NRG3: variants seen among roughly 807,000 people sequenced by gnomAD.
NRG3 encodes the protein neuregulin 3.
NRG3 carries 31 observed loss-of-function variants against 66.9 expected under a neutral mutation model. That is an observed-to-expected ratio of 0.46 (90% CI 0.35 to 0.63). NRG3 has a LOEUF of 0.63. Among genes scored for constraint, NRG3 ranks in the 20% least tolerant of loss-of-function variants. NRG3 has a pLI of 0.00. For synonymous variants in NRG3, 393 were observed against 359.4 expected (o/e 1.09, Z -1.06); for missense variants, 910 against 878.9 (o/e 1.04, Z -0.45).
rs765058089 is a variant in NRG3, at chr10:82,898,715, C to CTTTTT, written c.1054+33298_1054+33302dup. On this transcript the variant is annotated intron_variant, in intron 4 of 8. Coordinates refer to ENST00000372141, the MANE Select transcript of NRG3 (RefSeq NM_001010848.4). ...CTGAATAGAAGGCCAGGAGTTTTAC[C>CTTTTT]TTTTTTTTTTTTTTTTTTTTTTTTG... Among the ~76,000 whole-genome samples, 137 of 89,382 alleles carry CTTTTT rather than the reference C, an allele frequency of 1.5e-3. 8 individuals are homozygous for CTTTTT. Among genetic ancestry groups the CTTTTT allele is most frequent in the African/African-American group, 5.7e-3 (123 of 21,670 alleles). 58.6% of individuals were successfully genotyped at this position (89,382 alleles called of 152,430 possible).
intron 1 of NRG3, among the ~76,000 whole-genome samples, chr10:82,353,966 C>T (rs1299828591): frequency 1.3e-5 from 2 of 150,028 alleles, no homozygotes; most frequent in African/African-American, 4.9e-5. Flanking sequence ...TCCTAACTTA[C>T]TTCGCTTCCC....
At chr10:82,574,485 C>T (rs1415854072) in intron 2 of NRG3, among the ~76,000 whole-genome samples, 1 of 151,612 alleles carries the variant, frequency 6.6e-6, no homozygotes, top group East Asian at 1.9e-4. Flanking sequence ...AAAGTGACTG[C>T]AGTTAACAAT....
At chr10:82,944,656 C>T (rs1232250784) in intron 4 of NRG3, among the ~76,000 whole-genome samples, 1 of 152,128 alleles carries the variant, frequency 6.6e-6, no homozygotes, top group Non-Finnish European at 1.5e-5. Flanking sequence ...ACATGATTGC[C>T]CCTCTCGACT....
intron 1 of NRG3, among the ~76,000 whole-genome samples, chr10:81,944,231 C>G (rs1279094260): frequency 6.6e-6 from 1 of 152,196 alleles, no homozygotes; most frequent in Non-Finnish European, 1.5e-5. Flanking sequence ...GAAGAGACAA[C>G]ATAGAGCTCA....
chr10:82,196,564 T>A (rs1362334650), intron 1 of NRG3, among the ~76,000 whole-genome samples: 1 of 151,810 alleles, frequency 6.6e-6, no homozygotes, highest in Non-Finnish European at 1.5e-5. Flanking sequence ...AAAGATTTAG[T>A]CAACTATGCT....
intron 3 of NRG3, among the ~76,000 whole-genome samples, chr10:82,815,111 G>A (rs367688425): frequency 4.6e-5 from 7 of 152,204 alleles, no homozygotes; most frequent in African/African-American, 1.2e-4. Flanking sequence ...CAAAACCCAT[G>A]TTAGTAAGAG....
chr10:82,725,007 C>T (rs2057517887), intron 2 of NRG3, among the ~76,000 whole-genome samples: 1 of 152,140 alleles, frequency 6.6e-6, no homozygotes, highest in South Asian at 2.1e-4. Context: ...ACAGAGCTTT[C>T]CAAAAAGGAC....
intron 1 of NRG3, among the ~76,000 whole-genome samples, chr10:82,143,970 C>T (rs1291536350): frequency 6.8e-6 from 1 of 147,414 alleles, no homozygotes; most frequent in African/African-American, 2.5e-5. Flanking sequence ...GTCAAGGCTG[C>T]AGTGAGCTGT....
intron 3 of NRG3, among the ~76,000 whole-genome samples, chr10:82,770,807 C>T (rs1475043753): frequency 1.3e-5 from 2 of 152,016 alleles, no homozygotes; most frequent in South Asian, 2.1e-4. Context: ...AAAAATGGAA[C>T]TCTATTTTGG....
intron 4 of NRG3, among the ~76,000 whole-genome samples, chr10:82,937,374 A>T (rs538562171): frequency 6.6e-5 from 10 of 152,192 alleles, no homozygotes; most frequent in Middle Eastern, 3.2e-3. Flanking sequence ...AGTCATAGAC[A>T]GGTTAAATAA....
At chr10:82,064,651 T>A (rs1450325698) in intron 1 of NRG3, among the ~76,000 whole-genome samples, 1 of 152,168 alleles carries the variant, frequency 6.6e-6, no homozygotes, top group African/African-American at 2.4e-5. Context: ...TGCACACTTA[T>A]GAGCATTTAA....
In NRG3 at chr10:82,367,598, A is replaced by T. The variant is rs571553910; in HGVS notation, c.953+8730A>T. ...TAAGAATATTTTTATTTCCTTGCAG[A>T]CTCTTTAAAAAGTGTTGTCTTTTTG... On this transcript the variant is annotated intron_variant, in intron 2 of 8. Transcript: ENST00000372141. 1.6e-4 allele frequency among the ~76,000 whole-genome samples: 24 copies of T among 152,212 alleles called. No homozygotes were observed. In the South Asian group the frequency reaches 4.6e-3, roughly 29 times the overall value.
At chr10:82,966,605 G>A (rs1923582) in intron 6 of NRG3, among the ~76,000 whole-genome samples, 16,571 of 152,122 alleles carry the variant, frequency 0.11, 1,225 homozygotes, top group Non-Finnish European at 0.17. Flanking sequence ...TCTTTGGAAG[G>A]AAGTGATTAT....
At chr10:82,356,809 C>CT (rs1350297189) in intron 1 of NRG3, among the ~76,000 whole-genome samples, 1 of 152,146 alleles carries the variant, frequency 6.6e-6, no homozygotes, top group Admixed American at 6.6e-5. Flanking sequence ...TTATACTTCA[C>CT]TTTTTGCTGT....
chr10:82,163,413 G>C (rs969916552), intron 1 of NRG3, among the ~76,000 whole-genome samples: 6 of 152,106 alleles, frequency 3.9e-5, no homozygotes, highest in Non-Finnish European at 8.8e-5. Context: ...ATGGTGAGAA[G>C]CACAAAGAAG....
intron 2 of NRG3, among the ~76,000 whole-genome samples, chr10:82,378,848 G>A (rs1182779318): frequency 6.6e-6 from 1 of 152,142 alleles, no homozygotes; most frequent in Non-Finnish European, 1.5e-5. Context: ...TGGGATTACA[G>A]GCATGAGCCG....
At chr10:82,062,473 G>T (rs1354393631) in intron 1 of NRG3, among the ~76,000 whole-genome samples, 1 of 152,038 alleles carries the variant, frequency 6.6e-6, no homozygotes, top group Non-Finnish European at 1.5e-5. Context: ...GTGCATGGTG[G>T]TGTGCGCCTG....
At chr10:82,379,363 C>A (rs1035986477) in intron 2 of NRG3, among the ~76,000 whole-genome samples, 1 of 151,938 alleles carries the variant, frequency 6.6e-6, no homozygotes, top group Non-Finnish European at 1.5e-5. Flanking sequence ...GACAGAGGAG[C>A]AGCACTATTT....
chr10:82,065,496 G>A (rs2064403528), intron 1 of NRG3, among the ~76,000 whole-genome samples: 1 of 152,080 alleles, frequency 6.6e-6, no homozygotes, highest in Admixed American at 6.6e-5. Context: ...TTCACTATCT[G>A]CCTTCTTAAT....
Sources: gnomAD v4.1 joint callset for allele counts (sites outside exome capture counted in the v4.1 genomes callset) on GRCh38, gnomAD v4.1.1 for gene constraint, MANE v1.5 for transcripts, NCBI Gene and HGNC (gene_info 2026-07-23, HGNC 2026-07-21) for gene names.